The following VAT1L variants were observed in gnomAD, a reference collection of about 807,000 sequenced individuals.
The protein encoded by VAT1L is putative NADPH-dependent quinone oxidoreductase VAT1L.
In VAT1L, 34 loss-of-function variants were observed where a neutral mutation model predicts 44.1. The observed-to-expected ratio is 0.77, with a 90% CI of 0.59 to 1.03. The LOEUF (loss-of-function observed/expected upper bound fraction) is 1.03, where lower values mean the gene tolerates loss of function less well. Among genes scored for constraint, VAT1L ranks in the 50% least tolerant of loss-of-function variants. The probability of loss-of-function intolerance (pLI) is 0.00; values close to 1 mark genes in which losing one functional copy is unlikely to be tolerated. For synonymous variants in VAT1L, 253 were observed against 202.2 expected, an observed-to-expected ratio of 1.25 and a Z score of -2.13; for missense variants, 615 against 538.8, an observed-to-expected ratio of 1.14 and a Z score of -1.40.
intron 3 of VAT1L, among the ~76,000 whole-genome samples, chr16:77,842,177 G>A (rs574759921): frequency 2.6e-5 from 4 of 152,244 alleles, no homozygotes; most frequent in East Asian, 3.9e-4. Flanking sequence ...GTGAGCCACC[G>A]CGCCCAGTCT....
rs184948915 is a variant in VAT1L, at chr16:77,793,870, A to C, written c.233+4955A>C. ...GTAAATTGGAGATAGGGAAGGAACAAACATGTATTGATCAGTGGTTATGAG... is the reference window on the plus strand; with the variant it reads ...GTAAATTGGAGATAGGGAAGGAACACACATGTATTGATCAGTGGTTATGAG... On this transcript the variant is annotated intron_variant, in intron 1 of 8. Transcript: ENST00000302536. 2.0e-5 allele frequency among the ~76,000 whole-genome samples: 3 copies of C among 152,322 alleles called. No individual in the cohort carries two copies. The East Asian group carries it at 5.8e-4, about 29-fold the overall frequency.
intron 8 of VAT1L, among the ~76,000 whole-genome samples, chr16:77,974,211 C>T (rs181091332): frequency 3.9e-5 from 6 of 152,160 alleles, no homozygotes; most frequent in African/African-American, 9.6e-5. Context: ...GAGAGGGCAA[C>T]GAGAGGGAGG....
intron 7 of VAT1L, among the ~76,000 whole-genome samples, chr16:77,949,227 C>T (rs771434858): frequency 6.6e-6 from 1 of 152,130 alleles, no homozygotes; most frequent in Non-Finnish European, 1.5e-5. Flanking sequence ...GCCAAGATCT[C>T]TGATCGACTG....
chr16:77,821,583 G>A (rs551695075), intron 2 of VAT1L, among the ~76,000 whole-genome samples: 12 of 152,114 alleles, frequency 7.9e-5, no homozygotes, highest in East Asian at 1.9e-4. Flanking sequence ...ATGAGCCACC[G>A]TGCCCAGCCT....
At chr16:77,789,283 C>G (rs1184475236) in intron 1 of VAT1L, among the ~76,000 whole-genome samples, 1 of 152,104 alleles carries the variant, frequency 6.6e-6, no homozygotes, top group Admixed American at 6.6e-5. Context: ...TATTAAGAAC[C>G]GCAAGCCCAC....
intron 8 of VAT1L, among the ~76,000 whole-genome samples, chr16:77,975,194 C>CTTTGTTTTTTTTTTTTTT (rs2018323495): frequency 2.5e-5 from 1 of 39,836 alleles, no homozygotes; most frequent in Non-Finnish European, 4.2e-5. Context: ...GGAATGACCA[C>CTTTGTTTTTTTTTTTTTT]TTTTTTTTTT....
At chr16:77,859,306 C>G (rs2016892532) in intron 3 of VAT1L, among the ~76,000 whole-genome samples, 1 of 152,012 alleles carries the variant, frequency 6.6e-6, no homozygotes, top group Non-Finnish European at 1.5e-5. Context: ...TAATAACAAA[C>G]AAAAGTAAGA....
rs966227569 is a variant in VAT1L, at chr16:77,788,575, G to C, written c.-108G>C. 8 of 1,292,124 alleles carry C rather than the reference G, an allele frequency of 6.2e-6. No homozygotes were observed. Among genetic ancestry groups the C allele is most frequent in the Admixed American group, 2.2e-5 (1 of 44,640 alleles). 80.0% of individuals were successfully genotyped at this position (1,292,124 alleles called of 1,614,324 possible). ...CAGAGGCTGCAGCCATTGCACAGCCGAGCATCCCACATTCAACAGGAGGAA... is the reference window on the plus strand; with the variant it reads ...CAGAGGCTGCAGCCATTGCACAGCCCAGCATCCCACATTCAACAGGAGGAA... On this transcript the variant is annotated 5_prime_UTR_variant, in exon 1 of 9. Coordinates refer to ENST00000302536, the MANE Select transcript of VAT1L (RefSeq NM_020927.3).
chr16:77,958,866 A>AT (rs1160989383), intron 7 of VAT1L, among the ~76,000 whole-genome samples: 1 of 152,172 alleles, frequency 6.6e-6, no homozygotes. Flanking sequence ...GTTCCTACTA[A>AT]TAGCCCCTTT....
At chr16:77,910,338 C>G (rs1299579654) in intron 7 of VAT1L, among the ~76,000 whole-genome samples, 2 of 152,104 alleles carry the variant, frequency 1.3e-5, no homozygotes, top group Admixed American at 6.5e-5. Context: ...AACATGAATC[C>G]TAGTAGTTTG....
At chr16:77,880,763 G>A (rs1026446258) in intron 6 of VAT1L, among the ~76,000 whole-genome samples, 6 of 151,480 alleles carry the variant, frequency 4.0e-5, no homozygotes, top group African/African-American at 1.5e-4. Context: ...CCCCCTCCCA[G>A]TCCCCTTTAG....
Position 77,825,336 on chromosome 16 carries a change from G to A in VAT1L, c.454G>A (p.Asp152Asn), listed in dbSNP as rs1385460455. 6.2e-7 allele frequency: 1 copy of A among 1,614,074 alleles called. No individual in the cohort carries two copies. The highest frequency in any genetic ancestry group is 2.2e-5 in the East Asian group (1 of 44,872). ...GGAGTTTGTCTACAAGATCCCGGATGACATGAGCTTCTCCGAGGCTGCTGC... is the reference window on the plus strand; with the variant it reads ...GGAGTTTGTCTACAAGATCCCGGATAACATGAGCTTCTCCGAGGCTGCTGC... ...PVEFVYKIPD[D>N]MSFSEAAAFP... The change falls in exon 3 of 9, where the codon GAC becomes AAC. Residue 152 changes from aspartate to asparagine, a missense_variant. Coordinates refer to ENST00000302536, the MANE Select transcript of VAT1L (RefSeq NM_020927.3).
intron 7 of VAT1L, among the ~76,000 whole-genome samples, chr16:77,932,095 T>C (rs2017738135): frequency 7.0e-6 from 1 of 143,466 alleles, no homozygotes; most frequent in African/African-American, 2.5e-5. Context: ...AAGCCTGAAA[T>C]ACAGTAATTT....
At chr16:77,892,648 C>T (rs1311234184) in intron 7 of VAT1L, 2 of 706,246 alleles carry the variant, frequency 2.8e-6, no homozygotes, top group Non-Finnish European at 5.3e-6. Context: ...CTGGTGGCAA[C>T]TCCATCTATG....
chr16:77,975,229 A>C (rs1332254242), intron 8 of VAT1L, among the ~76,000 whole-genome samples: 2 of 57,688 alleles, frequency 3.5e-5, no homozygotes, highest in African/African-American at 6.8e-5. Flanking sequence ...TTTTTTTTTT[A>C]AAGACAGTCT....
intron 7 of VAT1L, among the ~76,000 whole-genome samples, chr16:77,924,750 C>T (rs564817542): frequency 7.2e-5 from 11 of 152,128 alleles, no homozygotes; most frequent in African/African-American, 2.2e-4. Flanking sequence ...TGAGCCACCA[C>T]GCCTGGCCCA....
chr16:77,909,025 T>C (rs941194699), intron 7 of VAT1L, among the ~76,000 whole-genome samples: 5 of 152,118 alleles, frequency 3.3e-5, no homozygotes, highest in Non-Finnish European at 7.4e-5. Context: ...CATACAGCAA[T>C]GATGATAATA....
At chr16:77,824,324 G>C (rs12103228) in intron 2 of VAT1L, among the ~76,000 whole-genome samples, 5 of 152,116 alleles carry the variant, frequency 3.3e-5, no homozygotes, top group African/African-American at 9.7e-5. Flanking sequence ...GAGAGGAGAG[G>C]GTAGTGGCTG....
intron 7 of VAT1L, among the ~76,000 whole-genome samples, chr16:77,910,404 G>A (rs567782440): frequency 7.9e-5 from 12 of 152,156 alleles, no homozygotes; most frequent in Non-Finnish European, 1.6e-4. Context: ...CAGGCGTGGT[G>A]GCTCATGCCT....
Sources: allele counts gnomAD v4.1 joint callset (sites outside exome capture counted in the v4.1 genomes callset), GRCh38; gene constraint gnomAD v4.1.1; transcripts MANE v1.5; gene names NCBI Gene and HGNC (gene_info 2026-07-23, HGNC 2026-07-21).